Variants in STX8 observed in about 807,000 individuals in gnomAD.
STX8 encodes the protein syntaxin-8.
In STX8, 23 loss-of-function variants were observed where a neutral mutation model predicts 37.5. The observed-to-expected ratio is 0.61, with a 90% CI of 0.44 to 0.87. STX8 has a LOEUF of 0.87. Ranked by LOEUF, STX8 falls within the 40% of genes least tolerant of loss-of-function variation. The pLI, the probability that STX8 is intolerant of heterozygous loss-of-function variation, is 0.00. For synonymous variants in STX8, 115 were observed against 99.1 expected (o/e 1.16, Z -0.95); for missense variants, 313 against 284.7 (o/e 1.10, Z -0.71).
rs1181883014 is a variant in STX8, at chr17:9,527,135, C to A, written c.323+18037G>T. On this transcript the variant is annotated intron_variant, in intron 4 of 7. Coordinates refer to ENST00000306357, the MANE Select transcript of STX8 (RefSeq NM_004853.3). ...CGGAGCTTGCAGTGAGCCGAGATTGCGCCACTGCAGTCCACAGTCCGGCCT... is the reference window on the plus strand; with the variant it reads ...CGGAGCTTGCAGTGAGCCGAGATTGAGCCACTGCAGTCCACAGTCCGGCCT... Among the ~76,000 whole-genome samples the A allele has an allele frequency of 3.1e-5, 4 of 129,636 alleles. No individual in the cohort carries two copies. In the East Asian group the frequency reaches 9.2e-4, roughly 30 times the overall value. 85.0% of individuals were successfully genotyped at this position (129,636 alleles called of 152,430 possible). A position where few individuals can be genotyped will look rare whatever the true frequency, so the allele number is the denominator to read the frequency against.
chr17:9,319,055 C>T (rs1467369704), intron 7 of STX8, among the ~76,000 whole-genome samples: 7 of 152,128 alleles, frequency 4.6e-5, no homozygotes, highest in Non-Finnish European at 7.3e-5. Flanking sequence ...ATACATTCCC[C>T]TAGAGATTAT....
intron 5 of STX8, among the ~76,000 whole-genome samples, chr17:9,496,186 C>T (rs1904394757): frequency 6.6e-6 from 1 of 151,966 alleles, no homozygotes; most frequent in African/African-American, 2.4e-5. Context: ...AGCAATTCTC[C>T]TGTCTCCGCC....
chr17:9,355,502 T>C (rs1474704084), intron 7 of STX8, among the ~76,000 whole-genome samples: 1 of 100,642 alleles, frequency 9.9e-6, no homozygotes, highest in Non-Finnish European at 2.5e-5. Context: ...ACCTAGCAAT[T>C]TTTTTTTTTT....
chr17:9,556,207 C>T (rs1906958303), intron 3 of STX8, among the ~76,000 whole-genome samples: 1 of 152,076 alleles, frequency 6.6e-6, no homozygotes, highest in Non-Finnish European at 1.5e-5. Flanking sequence ...GAACACTTTC[C>T]ATTTTTTTAT....
chr17:9,458,148 G>A (rs117260302), intron 6 of STX8, among the ~76,000 whole-genome samples: 3 of 152,090 alleles, frequency 2.0e-5, no homozygotes, highest in Non-Finnish European at 4.4e-5. Context: ...AAATATGCTG[G>A]CTTTTAATTT....
intron 6 of STX8, 115 bp from the exon 7 acceptor site, chr17:9,378,768 G>A (rs555796038): frequency 5.3e-6 from 4 of 752,678 alleles, no homozygotes; most frequent in East Asian, 5.2e-5. Context: ...TAACTGAAAA[G>A]GTACAGAACT....
At chr17:9,445,960 C>T (rs749834177) in intron 6 of STX8, among the ~76,000 whole-genome samples, 5 of 151,676 alleles carry the variant, frequency 3.3e-5, no homozygotes, top group African/African-American at 7.3e-5. Context: ...CTCGGCCTCC[C>T]GAGTAGCTGG....
intron 6 of STX8, among the ~76,000 whole-genome samples, chr17:9,432,689 A>G (rs533765976): frequency 4.9e-4 from 74 of 152,344 alleles, no homozygotes; most frequent in Middle Eastern, 3.4e-3. Context: ...CATTTCAACT[A>G]TTAACATTTC....
intron 4 of STX8, among the ~76,000 whole-genome samples, chr17:9,543,990 G>T (rs1044099528): frequency 6.6e-6 from 1 of 152,126 alleles, no homozygotes; most frequent in Non-Finnish European, 1.5e-5. Context: ...TGCAATCTGG[G>T]TTGTATATTA....
intron 7 of STX8, among the ~76,000 whole-genome samples, chr17:9,256,490 C>T (rs550723316): frequency 1.3e-4 from 20 of 152,306 alleles, no homozygotes; most frequent in African/African-American, 4.8e-4. Context: ...TGAGCCCATC[C>T]GTCAGCTTTC....
chr17:9,375,526 T>C (rs572325445), intron 7 of STX8, among the ~76,000 whole-genome samples: 1 of 152,306 alleles, frequency 6.6e-6, no homozygotes, highest in South Asian at 2.1e-4. Context: ...AGCAACATAA[T>C]TGCTGAGAAC....
At chr17:9,378,747 C>T in intron 6 of STX8, 94 bp from the exon 7 acceptor site, 1 of 928,748 alleles carries the variant, frequency 1.1e-6, no homozygotes, top group South Asian at 1.3e-5. Context: ...CAATAATGAT[C>T]TCGAGTGCAG....
intron 6 of STX8, among the ~76,000 whole-genome samples, chr17:9,482,080 G>A (rs761121224): frequency 2.0e-5 from 3 of 152,148 alleles, no homozygotes; most frequent in Non-Finnish European, 4.4e-5. Context: ...GCTCAGGCAG[G>A]AGGATGGCTT....
chr17:9,451,455 T>A (rs1905037835), intron 6 of STX8, among the ~76,000 whole-genome samples: 1 of 152,166 alleles, frequency 6.6e-6, no homozygotes. Flanking sequence ...TTTTAAAATT[T>A]TTCTAAATAA....
intron 4 of STX8, among the ~76,000 whole-genome samples, chr17:9,528,567 C>G (rs1905674321): frequency 6.6e-6 from 1 of 152,112 alleles, no homozygotes; most frequent in Non-Finnish European, 1.5e-5. Flanking sequence ...CTCAACCTCC[C>G]AAAGTGCTGG....
At position 9,292,326 on chromosome 17, in the gene STX8, C is replaced by T. The variant is rs544060778; in HGVS notation, c.644-41681G>A. 9.2e-5 allele frequency among the ~76,000 whole-genome samples: 14 copies of T among 152,322 alleles called. No individual in the cohort carries two copies. In the South Asian group the frequency reaches 1.0e-3, roughly 11 times the overall value. Reference sequence around the variant, plus strand: ...TCCGTGGGGCTTCAGCATTCACTGGCGTGGGAGACCTGCAGCTTAGGTGTG... The same window carrying T: ...TCCGTGGGGCTTCAGCATTCACTGGTGTGGGAGACCTGCAGCTTAGGTGTG... On this transcript the variant is annotated intron_variant, in intron 7 of 7. Transcript: ENST00000306357.
intron 6 of STX8, among the ~76,000 whole-genome samples, chr17:9,392,366 T>G (rs551011788): frequency 1.3e-5 from 2 of 152,320 alleles, no homozygotes; most frequent in African/African-American, 4.8e-5. Flanking sequence ...CAGGCATTTT[T>G]GGGAGCTGAA....
intron 7 of STX8, among the ~76,000 whole-genome samples, chr17:9,362,193 G>A (rs1358826804): frequency 6.6e-6 from 1 of 151,922 alleles, no homozygotes; most frequent in Non-Finnish European, 1.5e-5. Flanking sequence ...TAGCCGGGGT[G>A]TTGGCCCATG....
intron 4 of STX8, among the ~76,000 whole-genome samples, chr17:9,523,883 G>T (rs1313649031): frequency 6.6e-6 from 1 of 152,158 alleles, no homozygotes; most frequent in East Asian, 1.9e-4. Flanking sequence ...GGCATTAAAA[G>T]GCCATTTAAG....
Sources: allele counts gnomAD v4.1 joint callset (sites outside exome capture counted in the v4.1 genomes callset), GRCh38; gene constraint gnomAD v4.1.1; transcripts MANE v1.5; gene names NCBI Gene and HGNC (gene_info 2026-07-23, HGNC 2026-07-21).